TENM3: variants seen among roughly 807,000 people sequenced by gnomAD.
TENM3 encodes the protein teneurin transmembrane protein 3, also known as teneurin-3.
Under a neutral mutation model 255.1 loss-of-function variants are expected in TENM3, and 63 were observed. The observed-to-expected ratio is 0.25, with a 90% CI of 0.20 to 0.30. The LOEUF is 0.30. Among genes scored for constraint, TENM3 ranks in the 10% least tolerant of loss-of-function variants. The probability of loss-of-function intolerance (pLI) is 1.00; values close to 1 mark genes in which losing one functional copy is unlikely to be tolerated. For missense variants in TENM3, 2,929 were observed against 3,461.1 expected, an observed-to-expected ratio of 0.85 and a Z score of 3.86; for synonymous variants, 1,306 against 1,322.3, an observed-to-expected ratio of 0.99 and a Z score of 0.27.
Position 182,163,379 on chromosome 4 carries a change from C to T in TENM3, c.-76+18625C>T, listed in dbSNP as rs980600891. ...ACCTCCTGATCTGGCCAGGCCCCTT[C>T]CAGCCCCGCCTCCCATCTCTTAGGT... On this transcript the variant is annotated intron_variant, in intron 1 of 2. Transcript: ENST00000512480. Among the ~76,000 whole-genome samples, 6 of 152,204 alleles carry T rather than the reference C, an allele frequency of 3.9e-5. No homozygotes were observed. In the East Asian group the frequency reaches 5.8e-4, roughly 15 times the overall value.
intron 3 of TENM3, among the ~76,000 whole-genome samples, chr4:182,553,347 A>G (rs964686261): frequency 7.6e-6 from 1 of 131,220 alleles, no homozygotes; most frequent in African/African-American, 2.9e-5. Flanking sequence ...ACATGGACAC[A>G]GGAAGGGGGA....
chr4:182,204,525 C>T (rs1385208241), intron 1 of TENM3, among the ~76,000 whole-genome samples: 2 of 152,160 alleles, frequency 1.3e-5, no homozygotes, highest in Non-Finnish European at 2.9e-5. Context: ...ACACTGTATA[C>T]ACCCCTGCGT....
At chr4:181,740,654 A>G in the TENM3 span, among the ~76,000 whole-genome samples, 2 of 152,018 alleles carry the variant, frequency 1.3e-5, no homozygotes, top group Non-Finnish European at 2.9e-5. Flanking sequence ...GATAAAAATT[A>G]CCAAACCTAC....
At chr4:182,284,784 G>A (rs913533516) in intron 1 of TENM3, among the ~76,000 whole-genome samples, 17 of 152,126 alleles carry the variant, frequency 1.1e-4, no homozygotes, top group Admixed American at 3.3e-4. Flanking sequence ...TCAGAACACC[G>A]AAAGCTTATA....
At chr4:182,453,265 G>A (rs1228198589) in intron 3 of TENM3, among the ~76,000 whole-genome samples, 1 of 152,076 alleles carries the variant, frequency 6.6e-6, no homozygotes, top group East Asian at 1.9e-4. Context: ...TACCTTTTTG[G>A]TCTCCCAGAA....
chr4:182,463,099 C>T (rs1019364391), intron 3 of TENM3, among the ~76,000 whole-genome samples: 1 of 152,180 alleles, frequency 6.6e-6, no homozygotes, highest in Middle Eastern at 3.4e-3. Context: ...AAACAATCCT[C>T]GTGTACATGG....
intron 3 of TENM3, among the ~76,000 whole-genome samples, chr4:182,394,460 A>T (rs1453037717): frequency 6.6e-6 from 1 of 152,184 alleles, no homozygotes; most frequent in Non-Finnish European, 1.5e-5. Flanking sequence ...TGCTGAAGTG[A>T]TGTGGTAATA....
At chr4:181,790,703 C>A in the TENM3 span, among the ~76,000 whole-genome samples, 1 of 152,152 alleles carries the variant, frequency 6.6e-6, no homozygotes, top group Non-Finnish European at 1.5e-5. Context: ...ATTTTTTAGG[C>A]AAAGACAAGT....
the TENM3 span, among the ~76,000 whole-genome samples, chr4:181,876,320 A>G: frequency 6.6e-6 from 1 of 152,178 alleles, no homozygotes; most frequent in Non-Finnish European, 1.5e-5. Flanking sequence ...TTTATAGCCT[A>G]TTTAATGTCA....
the TENM3 span, among the ~76,000 whole-genome samples, chr4:181,964,843 A>G: frequency 6.6e-6 from 1 of 152,182 alleles, no homozygotes; most frequent in Non-Finnish European, 1.5e-5. Flanking sequence ...AGAATGCAGA[A>G]TAAGATTTAC....
chr4:181,899,112 T>C, the TENM3 span, among the ~76,000 whole-genome samples: 1 of 152,024 alleles, frequency 6.6e-6, no homozygotes, highest in Non-Finnish European at 1.5e-5. Flanking sequence ...ATACCAATAA[T>C]TTGGGCTAAT....
At chr4:181,890,801 C>A in the TENM3 span, among the ~76,000 whole-genome samples, 1 of 152,164 alleles carries the variant, frequency 6.6e-6, no homozygotes, top group Non-Finnish European at 1.5e-5. Context: ...GTGTGTTTAA[C>A]TGCACTTTTA....
intron 26 of TENM3, among the ~76,000 whole-genome samples, chr4:182,795,567 C>A (rs1360107759): frequency 6.6e-6 from 1 of 152,190 alleles, no homozygotes; most frequent in African/African-American, 2.4e-5. Context: ...GACCTGCCAG[C>A]CTGGCAATGA....
chr4:181,940,161 T>C, the TENM3 span, among the ~76,000 whole-genome samples: 1 of 152,254 alleles, frequency 6.6e-6, no homozygotes, highest in African/African-American at 2.4e-5. Context: ...CATCTCTGCA[T>C]ACACAAAGTG....
chr4:182,194,594 AT>A (rs1753723162), intron 1 of TENM3, among the ~76,000 whole-genome samples: 1 of 152,216 alleles, frequency 6.6e-6, no homozygotes, highest in Non-Finnish European at 1.5e-5. Flanking sequence ...CAAAAGACAG[AT>A]TATGTGATCT....
Position 182,504,454 on chromosome 4 carries a change from T to C in TENM3, c.512-96470T>C, listed in dbSNP as rs866427247. 2.2e-4 allele frequency among the ~76,000 whole-genome samples: 7 copies of C among 32,466 alleles called. No homozygotes were observed. The Middle Eastern group carries it at 0.026, about 122-fold the overall frequency. The allele number at this position is 32,466 out of a possible 152,430, so 21.3% of individuals were successfully genotyped here. On this transcript the variant is annotated intron_variant, in intron 3 of 27. Transcript: ENST00000511685. The stretch of plus-strand genomic sequence containing the variant: ...GATGTTTCTCCAGAGTTAAGTCCTC[T>C]GTAAAAGTGTTGGAGTAAATGAATT...
the TENM3 span, among the ~76,000 whole-genome samples, chr4:181,454,442 A>G: frequency 6.6e-6 from 1 of 152,148 alleles, no homozygotes; most frequent in Non-Finnish European, 1.5e-5. Flanking sequence ...CTTTAAATAA[A>G]TCTAGGGTAG....
At chr4:182,221,606 A>G (rs1358169597) in intron 1 of TENM3, among the ~76,000 whole-genome samples, 2 of 152,210 alleles carry the variant, frequency 1.3e-5, no homozygotes, top group African/African-American at 4.8e-5. Flanking sequence ...GCCTTTCAAT[A>G]TATATACCAT....
chr4:182,093,154 T>A, the TENM3 span, among the ~76,000 whole-genome samples: 1 of 152,204 alleles, frequency 6.6e-6, no homozygotes, highest in Non-Finnish European at 1.5e-5. Context: ...TCCAAAGATA[T>A]CGGTGTCTTT....
Sources: gnomAD v4.1 joint callset for allele counts (sites outside exome capture counted in the v4.1 genomes callset) on GRCh38, gnomAD v4.1.1 for gene constraint, MANE v1.5 for transcripts, NCBI Gene and HGNC (gene_info 2026-07-23, HGNC 2026-07-21) for gene names.